The following DEFB107B variants were observed in gnomAD, a reference collection of about 807,000 sequenced individuals.
The protein encoded by DEFB107B is beta-defensin 107.
intron 1 of DEFB107B, among the ~76,000 whole-genome samples, chr8:7,505,742 CT>C (rs1811934103): frequency 4.8e-5 from 1 of 21,030 alleles, no homozygotes; most frequent in African/African-American, 8.8e-5. Context: ...GGACCTTTTC[CT>C]TCTAATTTTA....
intron 1 of DEFB107B, among the ~76,000 whole-genome samples, chr8:7,496,512 G>A (rs1395677391): frequency 2.0e-5 from 3 of 152,104 alleles, no homozygotes; most frequent in South Asian, 2.1e-4. Flanking sequence ...GTGTTAGCCA[G>A]GATGGTCTTG....
At chr8:7,496,361 G>A (rs1284924951) in intron 1 of DEFB107B, among the ~76,000 whole-genome samples, 9 of 76,848 alleles carry the variant, frequency 1.2e-4, no homozygotes, top group Admixed American at 9.6e-4. Context: ...GTGCAGTGGT[G>A]CGATCTTGGC....
intron 1 of DEFB107B, among the ~76,000 whole-genome samples, chr8:7,496,582 G>A (rs1315101629): frequency 1.4e-5 from 2 of 147,794 alleles, no homozygotes; most frequent in East Asian, 2.0e-4. Flanking sequence ...TTACAGGCAT[G>A]AGCCACCGCG....
chr8:7,502,895 T>C (rs1811886833), intron 1 of DEFB107B, among the ~76,000 whole-genome samples: 1 of 23,004 alleles, frequency 4.3e-5, no homozygotes, highest in African/African-American at 7.8e-5. Context: ...TAATGAATAA[T>C]ATAACAGTCT....
At chr8:7,497,190 A>C (rs532685211) in intron 1 of DEFB107B, among the ~76,000 whole-genome samples, 2 of 150,450 alleles carry the variant, frequency 1.3e-5, no homozygotes, top group South Asian at 4.2e-4. Context: ...AGGTAAAACG[A>C]AGAGGTAAAA....
In DEFB107B at chr8:7,496,580, A is replaced by G. The variant is rs1162815600; in HGVS notation, c.70+577A>G. On this transcript the variant is annotated intron_variant, in intron 1 of 1. Transcript: ENST00000355602. Reference sequence around the variant, plus strand: ...CTCCCAGAGCCCTGGGATTACAGGCATGAGCCACCGCGCCTGGCCAGCATA... The same window carrying G: ...CTCCCAGAGCCCTGGGATTACAGGCGTGAGCCACCGCGCCTGGCCAGCATA... 8.0e-3 allele frequency among the ~76,000 whole-genome samples: 1,185 copies of G among 148,362 alleles called. 1 individual carries two copies. The highest frequency in any genetic ancestry group is 0.017 in the Middle Eastern group (5 of 286).
rs1190012443 is a variant in DEFB107B at position 7,507,513 on chromosome 8, A to G, written c.71-1568A>G. Among the ~76,000 whole-genome samples the G allele has an allele frequency of 2.6e-4, 24 of 91,258 alleles. No homozygotes were observed. In the East Asian group the frequency reaches 5.6e-3, roughly 21 times the overall value. The allele number at this position is 91,258 out of a possible 152,430, so 59.9% of individuals were successfully genotyped here. Reference sequence around the variant, plus strand: ...ATTAATTAGAAACTAACTTGTTATAATAAAGAATCTTAATGATAGAATGAC... The same window carrying G: ...ATTAATTAGAAACTAACTTGTTATAGTAAAGAATCTTAATGATAGAATGAC... On this transcript the variant is annotated intron_variant, in intron 1 of 1. Transcript: ENST00000355602.
At chr8:7,496,250 C>T (rs1281777282) in intron 1 of DEFB107B, among the ~76,000 whole-genome samples, 1 of 11,210 alleles carries the variant, frequency 8.9e-5, no homozygotes, top group African/African-American at 1.9e-4. Context: ...TTTTAGATCT[C>T]TTTCCTCCTT....
At chr8:7,505,855 GTTTC>G (rs985323551) in intron 1 of DEFB107B, among the ~76,000 whole-genome samples, 1 of 26,700 alleles carries the variant, frequency 3.7e-5, no homozygotes, top group African/African-American at 5.9e-5. Context: ...TAAACTTTCC[GTTTC>G]TTTCTGGGAT....
chr8:7,497,413 A>G (rs1203760850), intron 1 of DEFB107B, among the ~76,000 whole-genome samples: 16 of 151,804 alleles, frequency 1.1e-4, no homozygotes, highest in Non-Finnish European at 2.1e-4. Flanking sequence ...TATAAAGAGA[A>G]GTCATAGATG....
intron 1 of DEFB107B, among the ~76,000 whole-genome samples, chr8:7,496,628 T>TAAAA (rs1811756742): frequency 3.9e-5 from 1 of 25,610 alleles, no homozygotes; most frequent in Non-Finnish European, 8.1e-5. Flanking sequence ...TTCTTTAAAA[T>TAAAA]GAAAAAAAAA....
In DEFB107B at chr8:7,497,404, A is replaced by C. The variant is rs1251052222; in HGVS notation, c.70+1401A>C. Reference sequence around the variant, plus strand: ...ACAAGTGCCATAAAAGATGCAAATTATAAAGAGAAGTCATAGATGTGGAAA... The same window carrying C: ...ACAAGTGCCATAAAAGATGCAAATTCTAAAGAGAAGTCATAGATGTGGAAA... On this transcript the variant is annotated intron_variant, in intron 1 of 1. Coordinates refer to ENST00000355602, the MANE Select transcript of DEFB107B (RefSeq NM_001040705.2). 7.9e-5 allele frequency among the ~76,000 whole-genome samples: 12 copies of C among 152,184 alleles called. No homozygotes were observed. The South Asian group carries it at 2.5e-3, about 32-fold the overall frequency.
chr8:7,497,164 C>T (rs1179405745), intron 1 of DEFB107B, among the ~76,000 whole-genome samples: 2 of 148,534 alleles, frequency 1.3e-5, no homozygotes, highest in East Asian at 2.0e-4. Context: ...ATTGTTCTGT[C>T]CACTATGATA....
chr8:7,507,918 G>A (rs1239012449), intron 1 of DEFB107B, among the ~76,000 whole-genome samples: 1 of 146,364 alleles, frequency 6.8e-6, no homozygotes, highest in Non-Finnish European at 1.5e-5. Flanking sequence ...TGACTGCTTT[G>A]GGACAGTTTA....
intron 1 of DEFB107B, among the ~76,000 whole-genome samples, chr8:7,507,847 T>C (rs1811976436): frequency 6.9e-6 from 1 of 145,604 alleles, no homozygotes; most frequent in Non-Finnish European, 1.5e-5. Flanking sequence ...TGTGATTAGC[T>C]AAGTATTCAT....
In DEFB107B at chr8:7,496,290, C is replaced by CTTTTTTT. The variant is rs1171104972; in HGVS notation, c.70+308_70+314dup. 8.5e-4 allele frequency among the ~76,000 whole-genome samples: 40 copies of CTTTTTTT among 46,876 alleles called. 4 individuals carry two copies. Among genetic ancestry groups the CTTTTTTT allele is most frequent in the African/African-American group, 3.0e-3 (28 of 9,208 alleles). 30.8% of individuals were successfully genotyped at this position (46,876 alleles called of 152,430 possible). A position where few individuals can be genotyped will look rare whatever the true frequency, so the allele number is the denominator to read the frequency against. ...ATCTGCAACGCAGGTTCAGCATATT[C>CTTTTTTT]TTTTTTTTTTTTTTTTTTTTTTTTT... On this transcript the variant is annotated intron_variant, in intron 1 of 1. Coordinates refer to ENST00000355602, the MANE Select transcript of DEFB107B (RefSeq NM_001040705.2).
chr8:7,508,234 T>G (rs1194082211), intron 1 of DEFB107B, among the ~76,000 whole-genome samples: 1 of 141,832 alleles, frequency 7.1e-6, no homozygotes, highest in East Asian at 2.1e-4. Flanking sequence ...TCTAAGCCCC[T>G]GCAATTTCTT....
intron 1 of DEFB107B, among the ~76,000 whole-genome samples, chr8:7,507,877 G>C (rs1344746752): frequency 6.8e-6 from 1 of 146,418 alleles, no homozygotes; most frequent in African/African-American, 2.7e-5. Context: ...TAAACCCAGA[G>C]GTTCTATGAC....
chr8:7,504,421 G>C lies in DEFB107B; in HGVS notation c.71-4660G>C, dbSNP rs1811920574. ...GCCCCTTTGCTCGTTTCCCGACAAT[G>C]GTTGCCCATTTTTATCAAATTTAGA... On this transcript the variant is annotated intron_variant, in intron 1 of 1. Coordinates refer to ENST00000355602, the MANE Select transcript of DEFB107B (RefSeq NM_001040705.2). Among the ~76,000 whole-genome samples the C allele has an allele frequency of 1.1e-4, 2 of 18,562 alleles. 1 individual carries two copies. Among genetic ancestry groups the C allele is most frequent in the African/African-American group, 1.9e-4 (2 of 10,402 alleles). The allele number at this position is 18,562 out of a possible 152,430, so 12.2% of individuals were successfully genotyped here. A position where few individuals can be genotyped will look rare whatever the true frequency, so the allele number is the denominator to read the frequency against.
Sources: allele counts gnomAD v4.1 joint callset (sites outside exome capture counted in the v4.1 genomes callset), GRCh38; gene constraint gnomAD v4.1.1; transcripts MANE v1.5; gene names NCBI Gene and HGNC (gene_info 2026-07-23, HGNC 2026-07-21).